Variants in PRKX observed in about 807,000 individuals in gnomAD.
PRKX encodes the protein protein kinase cAMP-dependent X-linked catalytic subunit.
In PRKX, 12 loss-of-function variants were observed where a neutral mutation model predicts 22.0. The observed-to-expected ratio is 0.54, with a 90% CI of 0.35 to 0.88. The LOEUF is 0.88. Among genes scored for constraint, PRKX ranks in the 40% least tolerant of loss-of-function variants. PRKX has a pLI of 0.01. For missense variants in PRKX, 217 were observed against 308.0 expected (o/e 0.70, Z 2.21); for synonymous variants, 134 against 137.7 (o/e 0.97, Z 0.19).
intron 3 of PRKX, among the ~76,000 whole-genome samples, chrX:3,648,806 T>C (rs1927250335): frequency 1.8e-5 from 2 of 110,343 alleles, no homozygotes; most frequent in Admixed American, 2.0e-4. Context: ...GCACCTGGCA[T>C]GGTGGCTCAC....
chrX:3,612,945 G>A (rs1383444726), intron 7 of PRKX, among the ~76,000 whole-genome samples: 5 of 108,658 alleles, frequency 4.6e-5, no homozygotes, highest in Non-Finnish European at 7.6e-5. Context: ...CTGAGGTCAG[G>A]AGTTCGAGAA....
rs1926115081 is a variant in PRKX, at chrX:3,604,342, T to C, written c.*4627A>G. ...CAAAGGAGAAAAGCCACAGCTTGTT[T>C]GGAGACAGAAGCAGATGAAACTCAG... On this transcript the variant is annotated 3_prime_UTR_variant, in exon 9 of 9. Transcript: ENST00000262848. The C allele has an allele frequency of 8.9e-6, 1 of 112,969 alleles. No homozygotes were observed. Among genetic ancestry groups the C allele is most frequent in the Non-Finnish European group, 1.9e-5 (1 of 53,341 alleles). The allele number at this position is 112,969 out of a possible 1,213,427, so 9.3% of individuals were successfully genotyped here. A position where few individuals can be genotyped will look rare whatever the true frequency, so the allele number is the denominator to read the frequency against.
At chrX:3,711,718 C>T (rs148409494) in intron 1 of PRKX, among the ~76,000 whole-genome samples, 1,225 of 110,427 alleles carry the variant, frequency 0.011, 35 homozygotes, top group African/African-American at 0.038. Context: ...GACAGCTTTC[C>T]GGGGGGACCA....
In PRKX at chrX:3,641,935, G is replaced by A. The variant is rs758880135; in HGVS notation, c.636C>T (p.Ala212=). Residue 212 remains alanine (A), a synonymous_variant, in exon 4 of 9, where the codon GCC becomes GCT. Coordinates refer to ENST00000262848, the MANE Select transcript of PRKX (RefSeq NM_005044.5). Reference sequence around the variant, plus strand: ...GGCCCTTGCTCTGAATGACTTCGGGGGCTAGGTACTCGGGTGTTCCACAGA... The same window carrying A: ...GGCCCTTGCTCTGAATGACTTCGGGAGCTAGGTACTCGGGTGTTCCACAGA... ...WTLCGTPEYL[A]PEVIQSKGHG... is the part of the protein sequence containing the mutation. 2.0e-5 allele frequency: 15 copies of A among 752,059 alleles called. No homozygotes were observed. The African/African-American group carries it at 3.5e-4, about 18-fold the overall frequency. The allele number at this position is 752,059 out of a possible 1,213,427, so 62.0% of individuals were successfully genotyped here. A position where few individuals can be genotyped will look rare whatever the true frequency, so the allele number is the denominator to read the frequency against.
rs111819398 is a variant in PRKX, at chrX:3,635,134, CTACTT to C, written c.719+6713_719+6717del. Among the ~76,000 whole-genome samples, 1,025 of 112,233 alleles carry C rather than the reference CTACTT, an allele frequency of 9.1e-3. 17 individuals are homozygous for C. Among genetic ancestry groups the C allele is most frequent in the African/African-American group, 0.03 (941 of 30,886 alleles). ...ATTCTGTTGGTTTATATTTCAGTCT[CTACTT>C]TAATTTCAAATGTAGTCAGCGCGGA... On this transcript the variant is annotated intron_variant, in intron 4 of 8. Transcript: ENST00000262848.
intron 1 of PRKX, among the ~76,000 whole-genome samples, chrX:3,712,424 C>A (rs752329357): frequency 9.0e-6 from 1 of 111,398 alleles, no homozygotes; most frequent in South Asian, 3.8e-4. Context: ...GCTGCCCATT[C>A]GGGGTTAAGT....
intron 6 of PRKX, among the ~76,000 whole-genome samples, chrX:3,620,659 A>G (rs1247696636): frequency 3.6e-5 from 4 of 112,383 alleles, no homozygotes; most frequent in African/African-American, 9.7e-5. Context: ...CAACTAAGGG[A>G]TTTAGGTTGT....
chrX:3,697,868 C>A (rs1172424619), intron 1 of PRKX, among the ~76,000 whole-genome samples: 1 of 111,895 alleles, frequency 8.9e-6, no homozygotes, highest in African/African-American at 3.3e-5. Flanking sequence ...ACCATGTTTT[C>A]TTTACACAGT....
At chrX:3,614,890 G>A (rs1447290384) in intron 7 of PRKX, among the ~76,000 whole-genome samples, 1 of 109,113 alleles carries the variant, frequency 9.2e-6, no homozygotes, top group Non-Finnish European at 1.9e-5. Context: ...CCATAAATAT[G>A]TACCTGTGAT....
intron 3 of PRKX, among the ~76,000 whole-genome samples, chrX:3,646,238 G>C (rs1927185071): frequency 9.0e-6 from 1 of 111,326 alleles, no homozygotes; most frequent in Non-Finnish European, 1.9e-5. Context: ...GTTGCAGTGA[G>C]CCGAGATCGC....
At chrX:3,682,871 T>A (rs1239837315) in intron 1 of PRKX, among the ~76,000 whole-genome samples, 4 of 110,637 alleles carry the variant, frequency 3.6e-5, no homozygotes, top group Non-Finnish European at 5.7e-5. Flanking sequence ...GCAGATGTAA[T>A]TAAGTTAAAG....
chrX:3,671,685 A>G (rs1324981109), intron 2 of PRKX, among the ~76,000 whole-genome samples: 1 of 111,100 alleles, frequency 9.0e-6, no homozygotes, highest in East Asian at 2.8e-4. Flanking sequence ...GAGAAATTTC[A>G]CTCCTTAAAA....
At chrX:3,696,596 C>T (rs770229900) in intron 1 of PRKX, among the ~76,000 whole-genome samples, 2 of 112,100 alleles carry the variant, frequency 1.8e-5, no homozygotes, top group Admixed American at 9.5e-5. Flanking sequence ...GCGGGTTCCA[C>T]GGACTGTGTC....
chrX:3,646,302 AG>A (rs1927187093), intron 3 of PRKX, among the ~76,000 whole-genome samples: 1 of 82,381 alleles, frequency 1.2e-5, no homozygotes, highest in Non-Finnish European at 2.4e-5. Context: ...AAAAAAAAAG[AG>A]AGAGAGACAG....
chrX:3,666,047 G>A (rs1179554746), intron 2 of PRKX, among the ~76,000 whole-genome samples: 4 of 107,510 alleles, frequency 3.7e-5, no homozygotes, highest in Non-Finnish European at 7.7e-5. Flanking sequence ...GTCTTACTCT[G>A]TTGCCCAGGA....
chrX:3,637,553 C>G (rs747114690), intron 4 of PRKX, among the ~76,000 whole-genome samples: 1 of 110,921 alleles, frequency 9.0e-6, no homozygotes, highest in Non-Finnish European at 1.9e-5. Context: ...TGGTAACTCT[C>G]AAAACACCCA....
Position 3,641,942 on chromosome X carries a change from T to C in PRKX, c.629A>G (p.Tyr210Cys). The C allele has an allele frequency of 1.3e-6, 1 of 785,774 alleles. No individual in the cohort carries two copies. The highest frequency in any genetic ancestry group is 1.8e-6 in the Non-Finnish European group (1 of 552,766). 64.8% of individuals were successfully genotyped at this position (785,774 alleles called of 1,213,427 possible). ...RTWTLCGTPE[Y>C]LAPEVIQSKG... is the part of the protein sequence containing the mutation. ...GCTCTGAATGACTTCGGGGGCTAGG[T>C]ACTCGGGTGTTCCACAGAGGGTCCA... is the stretch of plus-strand genomic sequence containing the variant. Residue 210 changes from tyrosine (Y) to cysteine (C), a missense_variant, in exon 4 of 9, where the codon TAC becomes TGC. Transcript: ENST00000262848.
chrX:3,676,637 C>G (rs977749358), intron 1 of PRKX, among the ~76,000 whole-genome samples: 11 of 111,999 alleles, frequency 9.8e-5, no homozygotes, highest in African/African-American at 3.6e-4. Context: ...AAGATAGGCA[C>G]AGAAAAACAA....
chrX:3,618,133 T>C (rs1321650021), intron 6 of PRKX, among the ~76,000 whole-genome samples: 35 of 105,635 alleles, frequency 3.3e-4, no homozygotes, highest in African/African-American at 1.2e-3. Flanking sequence ...CTCACTTACA[T>C]GGGAAATCTA....
Sources: allele counts gnomAD v4.1 joint callset (sites outside exome capture counted in the v4.1 genomes callset), GRCh38; gene constraint gnomAD v4.1.1; transcripts MANE v1.5; gene names NCBI Gene and HGNC (gene_info 2026-07-23, HGNC 2026-07-21).